The following MSI2 variants were observed in gnomAD, a reference collection of about 807,000 sequenced individuals.
The protein encoded by MSI2 is RNA-binding protein Musashi homolog 2.
Under a neutral mutation model 45.6 loss-of-function variants are expected in MSI2, and 17 were observed. That is an observed-to-expected ratio of 0.37 (90% CI 0.26 to 0.56). MSI2 has a LOEUF of 0.56. Ranked by LOEUF, MSI2 falls within the 20% of genes least tolerant of loss-of-function variation. MSI2 has a pLI of 0.77. For synonymous variants in MSI2, 156 were observed against 158.2 expected (o/e 0.99, Z 0.11); for missense variants, 293 against 444.2 (o/e 0.66, Z 3.06).
chr17:57,364,308 G>A (rs892852577), intron 5 of MSI2, among the ~76,000 whole-genome samples: 12 of 152,134 alleles, frequency 7.9e-5, no homozygotes, highest in Non-Finnish European at 2.9e-5. Context: ...AAAAGACAAG[G>A]CTTTGAATAA....
At chr17:57,653,394 C>A (rs532627014) in intron 11 of MSI2, among the ~76,000 whole-genome samples, 1 of 152,262 alleles carries the variant, frequency 6.6e-6, no homozygotes, top group South Asian at 2.1e-4. Context: ...CAGGCAGGTC[C>A]AGAGAGTGGG....
At chr17:57,257,033 A>T (rs1279242699) in intron 1 of MSI2, 65 bp from the exon 2 acceptor site, 2 of 1,344,830 alleles carry the variant, frequency 1.5e-6, no homozygotes, top group African/African-American at 3.4e-5. Context: ...TAGCTTTTGT[A>T]AGTTACACGT....
At chr17:57,442,116 G>A (rs2084811247) in intron 6 of MSI2, among the ~76,000 whole-genome samples, 1 of 151,556 alleles carries the variant, frequency 6.6e-6, no homozygotes, top group Non-Finnish European at 1.5e-5. Flanking sequence ...GGCTCACTGG[G>A]TCCTCCACCT....
chr17:57,408,441 TAGA>T (rs1451589231), intron 6 of MSI2, among the ~76,000 whole-genome samples: 1 of 152,244 alleles, frequency 6.6e-6, no homozygotes, highest in Non-Finnish European at 1.5e-5. Flanking sequence ...CAAGGCCGAA[TAGA>T]AGAACAAGGC....
intron 6 of MSI2, chr17:57,522,516 A>G (rs1436702236): frequency 6.6e-6 from 1 of 152,156 alleles, no homozygotes; most frequent in East Asian, 1.9e-4. Context: ...GCCACAGCAA[A>G]GCTCTGGAGC....
intron 8 of MSI2, among the ~76,000 whole-genome samples, chr17:57,602,262 A>T (rs1459188034): frequency 3.3e-5 from 5 of 151,192 alleles, no homozygotes; most frequent in African/African-American, 4.9e-5. Context: ...AGTGTATTTT[A>T]TGTGCGGCTG....
intron 7 of MSI2, among the ~76,000 whole-genome samples, chr17:57,565,659 C>T (rs926320452): frequency 8.4e-6 from 1 of 119,562 alleles, no homozygotes; most frequent in African/African-American, 3.9e-5. Flanking sequence ...TTATTTTATA[C>T]CCCCTCGACT....
intron 11 of MSI2, among the ~76,000 whole-genome samples, chr17:57,673,720 G>A (rs553501787): frequency 1.2e-4 from 19 of 152,128 alleles, no homozygotes; most frequent in African/African-American, 3.6e-4. Flanking sequence ...GATTGGGGGG[G>A]CCGAGGCAGT....
rs777714011 is a variant in MSI2, at chr17:57,652,110, G to A, written c.739G>A (p.Ala247Thr). The change falls in exon 11 of 14, where the codon GCG becomes ACG. Residue 247 changes from alanine (A) to threonine (T), a missense_variant. Physicochemically the swap from Ala to Thr is moderately conservative, Grantham distance 58. Coordinates refer to ENST00000284073, the MANE Select transcript of MSI2 (RefSeq NM_138962.4). The surrounding 1 kb of genome is among the most constrained non-coding windows in gnomAD (Gnocchi z 4.1). ...TCTCTCCTGACCAGGCTTCCCAGCA[G>A]CGGCTTATGGACCAGTGGCAGCAGC... ...YGYQFPGFPA[A>T]AYGPVAAAAV... is the part of the protein sequence containing the mutation. 30 of 1,614,026 alleles carry A rather than the reference G, an allele frequency of 1.9e-5. No individual in the cohort carries two copies. Among genetic ancestry groups the A allele is most frequent in the Non-Finnish European group, 2.5e-5 (30 of 1,180,016 alleles).
chr17:57,297,347 T>G (rs1008980154), intron 5 of MSI2, among the ~76,000 whole-genome samples: 3 of 152,320 alleles, frequency 2.0e-5, no homozygotes, highest in Middle Eastern at 3.4e-3. Context: ...TCTTAGTGCA[T>G]ATAAATGTTA....
intron 5 of MSI2, among the ~76,000 whole-genome samples, chr17:57,339,944 G>A (rs1914994437): frequency 6.6e-6 from 1 of 152,168 alleles, no homozygotes; most frequent in Admixed American, 6.5e-5. Context: ...AAGCTCATCA[G>A]TGACCGGGAA....
chr17:57,313,893 C>T (rs1722550603), intron 5 of MSI2, among the ~76,000 whole-genome samples: 1 of 152,128 alleles, frequency 6.6e-6, no homozygotes, highest in South Asian at 2.1e-4. Context: ...GGGCAGTGTC[C>T]CAGAGGAGGC....
chr17:57,493,874 A>C (rs1408835963), intron 6 of MSI2, among the ~76,000 whole-genome samples: 2 of 152,148 alleles, frequency 1.3e-5, no homozygotes, highest in East Asian at 3.8e-4. Context: ...ACTGTGAGGT[A>C]GGCGGAGCAG....
At chr17:57,483,514 G>C (rs1018986845) in intron 6 of MSI2, among the ~76,000 whole-genome samples, 1 of 152,120 alleles carries the variant, frequency 6.6e-6, no homozygotes, top group Non-Finnish European at 1.5e-5. Flanking sequence ...GCGGGGCCAC[G>C]CTTTGAGAAC....
intron 7 of MSI2, among the ~76,000 whole-genome samples, chr17:57,537,724 C>A (rs1258375473): frequency 6.6e-6 from 1 of 152,144 alleles, no homozygotes; most frequent in Non-Finnish European, 1.5e-5. Context: ...AACACAGTAG[C>A]TTGGTTTCTG....
At chr17:57,673,841 T>G (rs973267517) in intron 11 of MSI2, among the ~76,000 whole-genome samples, 20 of 152,290 alleles carry the variant, frequency 1.3e-4, no homozygotes, top group African/African-American at 4.6e-4. Flanking sequence ...GTTCTCACTC[T>G]GGAGTTGACA....
intron 6 of MSI2, among the ~76,000 whole-genome samples, chr17:57,401,712 C>T (rs147881351): frequency 5.9e-5 from 9 of 152,226 alleles, no homozygotes; most frequent in African/African-American, 1.4e-4. Flanking sequence ...TGCAGTTTTG[C>T]GGGCATTTGC....
At position 57,552,257 on chromosome 17, in the gene MSI2, A is replaced by C. The variant is rs1203933367; in HGVS notation, c.454+22533A>C. ...ACCCATGGGGGAGTTGCAGCGGTCT[A>C]ATTGAAGTTCAGAGTGATGTTCACT... On this transcript the variant is annotated intron_variant, in intron 7 of 13. Transcript: ENST00000284073. This position sits in a 1 kb window ranked among gnomAD's most constrained non-coding sequence, Gnocchi z 4.3. 1.3e-5 allele frequency among the ~76,000 whole-genome samples: 2 copies of C among 152,192 alleles called. No homozygotes were observed. The highest frequency in any genetic ancestry group is 2.4e-5 in the African/African-American group (1 of 41,444).
intron 10 of MSI2, chr17:57,633,238 G>A (rs1567950263): frequency 3.1e-6 from 3 of 959,702 alleles, no homozygotes; most frequent in Non-Finnish European, 2.5e-6. Flanking sequence ...CGCTCCGGGG[G>A]AGGTGAATGC....
Sources: allele counts gnomAD v4.1 joint callset (sites outside exome capture counted in the v4.1 genomes callset), GRCh38; gene constraint gnomAD v4.1.1; non-coding constraint Gnocchi (gnomAD v3.1); transcripts MANE v1.5; gene names NCBI Gene and HGNC (gene_info 2026-07-23, HGNC 2026-07-21).